Variants in GBP1 observed in about 807,000 individuals in gnomAD.
GBP1 encodes guanylate binding protein 1.
GBP1 carries 64 observed loss-of-function variants against 69.5 expected under a neutral mutation model. That is an observed-to-expected ratio of 0.92 (90% CI 0.75 to 1.13). The LOEUF (loss-of-function observed/expected upper bound fraction) is 1.13, where lower values mean the gene tolerates loss of function less well. GBP1 is among the 50% of genes most tolerant of loss of function. GBP1 has a pLI of 0.00. For missense variants in GBP1, 630 were observed against 704.1 expected, an observed-to-expected ratio of 0.89 and a Z score of 1.19; for synonymous variants, 250 against 261.2, an observed-to-expected ratio of 0.96 and a Z score of 0.41.
intron 3 of GBP1, 64 bp from the exon 4 acceptor site, chr1:89,059,490 C>T (rs779595056): frequency 1.6e-5 from 24 of 1,456,592 alleles, no homozygotes; most frequent in East Asian, 2.4e-5. Context: ...TTCAGAGTAA[C>T]AGTAGTAAAA....
At chr1:89,064,178 G>A (rs911315589) in intron 1 of GBP1, among the ~76,000 whole-genome samples, 1 of 150,520 alleles carries the variant, frequency 6.6e-6, no homozygotes, top group African/African-American at 2.4e-5. Flanking sequence ...TAGGAGTGGA[G>A]AGGAGGATAA....
chr1:89,060,084 G>A (rs1481619329), intron 3 of GBP1, 113 bp downstream of exon 3: 19 of 1,015,278 alleles, frequency 1.9e-5, no homozygotes, highest in Non-Finnish European at 2.5e-5. Context: ...TTATGCATCT[G>A]TGTTAACCCA....
In GBP1 at chr1:89,057,066, C is replaced by G. The variant is rs779097744; in HGVS notation, c.943G>C (p.Ala315Pro). ...TCTATCTGGGCCAAGGCCAGGACTG[C>G]GTTCTCCATGCACGGCAGATCCCCA... is the stretch of plus-strand genomic sequence containing the variant. ...SSGDLPCMEN[A>P]VLALAQIENS... Residue 315 changes from alanine to proline, a missense_variant, in exon 7 of 11, where the codon GCA becomes CCA. This residue lies in a region of GBP1 where 367 missense variants were observed against 369.5 expected (regional missense o/e 0.99). Transcript: ENST00000370473. 1 of 1,614,258 alleles carries G rather than the reference C, an allele frequency of 6.2e-7. No individual in the cohort carries two copies. Among genetic ancestry groups the G allele is most frequent in the Non-Finnish European group, 8.5e-7 (1 of 1,180,044 alleles).
chr1:89,058,414 CA>C, intron 5 of GBP1, 180 bp from the exon 6 acceptor site: 5 of 588,566 alleles, frequency 8.5e-6, no homozygotes, highest in South Asian at 2.6e-5. Context: ...AGCATTATTC[CA>C]AAAAAACCTT....
intron 1 of GBP1, among the ~76,000 whole-genome samples, chr1:89,063,666 A>G (rs1439868393): frequency 2.0e-5 from 3 of 152,240 alleles, no homozygotes; most frequent in African/African-American, 4.8e-5. Context: ...ACAGTGAATC[A>G]GTATTCATAG....
At chr1:89,064,815 C>G (rs763700709) in intron 1 of GBP1, among the ~76,000 whole-genome samples, 2 of 152,170 alleles carry the variant, frequency 1.3e-5, no homozygotes, top group Non-Finnish European at 2.9e-5. Context: ...GAAATGTAAT[C>G]ATATCCCTAG....
At chr1:89,058,273 T>C (rs983934584) in intron 5 of GBP1, 39 bp from the exon 6 acceptor site, 3 of 1,521,498 alleles carry the variant, frequency 2.0e-6, no homozygotes, top group Admixed American at 2.1e-5. Context: ...TTGCCTAATA[T>C]AAGTGTTTCT....
chr1:89,052,841 A>G lies in GBP1; in HGVS notation c.*514T>C, dbSNP rs1679950633. On this transcript the variant is annotated 3_prime_UTR_variant, in exon 11 of 11. Transcript: ENST00000370473. The stretch of plus-strand genomic sequence containing the variant: ...ATAAAGAGATTCTAGATCTCTGTAT[A>G]AGGTGGTTTGCTTTAGCTTGAAATC... 6.6e-6 allele frequency: 1 copy of G among 152,310 alleles called. No homozygotes were observed. Among genetic ancestry groups the G allele is most frequent in the Admixed American group, 6.5e-5 (1 of 15,290 alleles). 9.4% of individuals were successfully genotyped at this position (152,310 alleles called of 1,614,324 possible). A position where few individuals can be genotyped will look rare whatever the true frequency, so the allele number is the denominator to read the frequency against.
intron 10 of GBP1, 134 bp from the exon 11 acceptor site, chr1:89,053,602 C>T: frequency 7.2e-7 from 1 of 1,381,148 alleles, no homozygotes; most frequent in Non-Finnish European, 9.6e-7. Context: ...CATACTTTGG[C>T]CTATCATTGA....
chr1:89,054,964 C>T lies in GBP1; in HGVS notation c.1472-89G>A. ...TACACTTACCTGTCGTTGTTGCTGA[C>T]TGCATATGCCCTACTCAGAGATGAC... On this transcript the variant is annotated intron_variant, in intron 9 of 10. Coordinates refer to ENST00000370473, the MANE Select transcript of GBP1 (RefSeq NM_002053.3). 7 of 1,472,692 alleles carry T rather than the reference C, an allele frequency of 4.8e-6. No individual in the cohort carries two copies. The Admixed American group carries it at 5.6e-5, about 12-fold the overall frequency. 91.2% of individuals were successfully genotyped at this position (1,472,692 alleles called of 1,614,324 possible).
rs1372502695 is a variant in GBP1 at position 89,056,934 on chromosome 1, C to T, written c.1075G>A (p.Asp359Asn). 2.5e-6 allele frequency: 4 copies of T among 1,614,132 alleles called. No individual in the cohort carries two copies. The African/African-American group carries it at 4.0e-5, about 16-fold the overall frequency. The change falls in exon 7 of 11, where the codon GAC (aspartate) becomes AAC (asparagine). Residue 359 changes from aspartate (D) to asparagine (N), a missense_variant. Asp to Asn is a conservative substitution (Grantham distance 23). Around this residue, in one of 5 missense-constraint regions of GBP1, gnomAD observed 367 missense variants for 369.5 expected, o/e 0.99. Coordinates refer to ENST00000370473, the MANE Select transcript of GBP1 (RefSeq NM_002053.3). ...TLQELLDLHR[D>N]SEREAIEVFI... ...ACTTCAATGGCCTCTCTCTCACTGT[C>T]CCTGTGCAGGTCCAGCAGCTCCTGG...
intron 4 of GBP1, 125 bp downstream of exon 4, chr1:89,059,192 T>C: frequency 6.3e-7 from 1 of 1,596,552 alleles, no homozygotes; most frequent in South Asian, 1.1e-5. Context: ...CTCTCCTCTG[T>C]ACTTGCATTA....
At chr1:89,053,774 T>TCTGA (rs1679977804) in intron 10 of GBP1, among the ~76,000 whole-genome samples, 1 of 152,188 alleles carries the variant, frequency 6.6e-6, no homozygotes, top group South Asian at 2.1e-4. Flanking sequence ...AGGTAAGAAA[T>TCTGA]CTGAGTGCCA....
At position 89,058,894 on chromosome 1, in the gene GBP1, C is replaced by G. The variant is rs201322839; in HGVS notation, c.578G>C (p.Gly193Ala). Residue 193 changes from glycine to alanine, a missense_variant, in exon 5 of 11, where the codon GGA becomes GCA. By Grantham distance (60) the Gly-to-Ala change is moderately conservative. Transcript: ENST00000370473. Reference sequence around the variant, plus strand: ...GTACTCATCTGGTGTGAGGGGTTGTCCATCTGCTTCCAAGTCCAGGGAGAA... The same window carrying G: ...GTACTCATCTGGTGTGAGGGGTTGTGCATCTGCTTCCAAGTCCAGGGAGAA... ...RDFSLDLEAD[G>A]QPLTPDEYLT... 176 of 1,614,050 alleles carry G rather than the reference C, an allele frequency of 1.1e-4. No individual in the cohort carries two copies. The highest frequency in any genetic ancestry group is 1.4e-4 in the Non-Finnish European group (165 of 1,180,044).
In GBP1 at chr1:89,058,837, T is replaced by A. The variant is rs1322571472; in HGVS notation, c.631+4A>T. On this transcript the variant is annotated splice_donor_region_variant and intron_variant, in intron 5 of 10. Coordinates refer to ENST00000370473, the MANE Select transcript of GBP1 (RefSeq NM_002053.3). Reference sequence around the variant, plus strand: ...CTCATTTATCAGTTGAAGCTCTCTGTTACCTTTCTTCAGCTTCAGGGAGTA... The same window carrying A: ...CTCATTTATCAGTTGAAGCTCTCTGATACCTTTCTTCAGCTTCAGGGAGTA... 1.2e-6 allele frequency: 2 copies of A among 1,613,742 alleles called. No homozygotes were observed. The highest frequency in any genetic ancestry group is 1.7e-6 in the Non-Finnish European group (2 of 1,179,610).
In GBP1 at chr1:89,058,208, T is replaced by A; in HGVS notation, c.658A>T (p.Asn220Tyr). ...KGTSQKDETF[N>Y]LPRLCIRKFF... is the part of the protein sequence containing the mutation. ...TTCCGGATACAGAGTCTGGGCAGGTTAAAAGTTTCATCTTTTTGACTGGTA... is the reference window on the plus strand; with the variant it reads ...TTCCGGATACAGAGTCTGGGCAGGTAAAAAGTTTCATCTTTTTGACTGGTA... The change falls in exon 6 of 11, where the codon AAC (asparagine) becomes TAC (tyrosine). Residue 220 changes from asparagine to tyrosine, a missense_variant. Coordinates refer to ENST00000370473, the MANE Select transcript of GBP1 (RefSeq NM_002053.3). 6.3e-7 allele frequency: 1 copy of A among 1,599,508 alleles called. No individual in the cohort carries two copies. The highest frequency in any genetic ancestry group is 1.1e-5 in the South Asian group (1 of 87,986).
chr1:89,056,438 C>G (rs1680048020), intron 7 of GBP1, among the ~76,000 whole-genome samples: 1 of 152,150 alleles, frequency 6.6e-6, no homozygotes, highest in Non-Finnish European at 1.5e-5. Context: ...AGATTGATAG[C>G]TTTATGTCAA....
At chr1:89,056,539 G>A (rs1680051067) in intron 7 of GBP1, among the ~76,000 whole-genome samples, 1 of 152,220 alleles carries the variant, frequency 6.6e-6, no homozygotes, top group Non-Finnish European at 1.5e-5. Context: ...AAGATAAGTA[G>A]GATGAAAATT....
At chr1:89,059,458 A>C (rs1210739960) in intron 3 of GBP1, 32 bp from the exon 4 acceptor site, 1 of 1,612,948 alleles carries the variant, frequency 6.2e-7, no homozygotes, top group South Asian at 1.1e-5. Context: ...AGTCAGGAGC[A>C]AGTTTCATCA....
Sources: allele counts gnomAD v4.1 joint callset (sites outside exome capture counted in the v4.1 genomes callset), GRCh38; gene constraint gnomAD v4.1.1; regional missense constraint gnomAD v4.1.1; transcripts MANE v1.5; gene names NCBI Gene and HGNC (gene_info 2026-07-23, HGNC 2026-07-21).